The following AGBL1 variants were observed in gnomAD, a reference collection of about 807,000 sequenced individuals.
AGBL1 encodes the protein cytosolic carboxypeptidase 4.
A neutral mutation model predicts 118.9 loss-of-function variants in AGBL1; 130 were observed. That is an observed-to-expected ratio of 1.09 (90% CI 0.95 to 1.26). AGBL1 has a LOEUF of 1.26. AGBL1 is among the 50% of genes most tolerant of loss of function. AGBL1 has a pLI of 0.00. For synonymous variants in AGBL1, 555 were observed against 478.9 expected (o/e 1.16, Z -2.08); for missense variants, 1,584 against 1,298.1 (o/e 1.22, Z -3.38).
intron 24 of AGBL1, among the ~76,000 whole-genome samples, chr15:86,993,367 A>G (rs975244102): frequency 1.3e-5 from 2 of 152,228 alleles, no homozygotes; most frequent in Non-Finnish European, 2.9e-5. Flanking sequence ...ATAGGCAATA[A>G]TATAAGAATT....
intron 24 of AGBL1, among the ~76,000 whole-genome samples, chr15:87,004,525 G>GT (rs1596730825): frequency 6.6e-6 from 1 of 151,392 alleles, no homozygotes; most frequent in East Asian, 1.9e-4. Flanking sequence ...GCCTTTTTTT[G>GT]TTTTCCATTT....
intron 22 of AGBL1, among the ~76,000 whole-genome samples, chr15:86,801,315 ATCTATC>A (rs1165863004): frequency 8.9e-6 from 1 of 112,690 alleles, no homozygotes; most frequent in Non-Finnish European, 1.8e-5. Context: ...GATTACATCT[ATCTATC>A]TATCTATCTA....
chr15:86,156,824 C>T (rs1451552715), intron 4 of AGBL1, among the ~76,000 whole-genome samples: 11 of 124,792 alleles, frequency 8.8e-5, no homozygotes, highest in African/African-American at 3.4e-4. Flanking sequence ...CAGTCTCGTT[C>T]TGTCACCCAG....
intron 21 of AGBL1, among the ~76,000 whole-genome samples, chr15:86,648,777 A>G (rs946180654): frequency 6.6e-6 from 1 of 152,204 alleles, no homozygotes; most frequent in Non-Finnish European, 1.5e-5. Flanking sequence ...CCCAGTGAAG[A>G]GAATATTGTA....
intron 5 of AGBL1, among the ~76,000 whole-genome samples, chr15:86,214,259 A>T (rs957312779): frequency 6.6e-6 from 1 of 152,202 alleles, no homozygotes; most frequent in East Asian, 1.9e-4. Flanking sequence ...ATAGGATATC[A>T]CATCTTTTCT....
chr15:87,017,555 A>G (rs2081619793), intron 24 of AGBL1, among the ~76,000 whole-genome samples: 1 of 152,290 alleles, frequency 6.6e-6, no homozygotes, highest in African/African-American at 2.4e-5. Context: ...CTACAGAAGA[A>G]TAGCTTGACT....
chr15:86,626,904 C>G (rs1252678878), intron 21 of AGBL1, among the ~76,000 whole-genome samples: 1 of 144,580 alleles, frequency 6.9e-6, no homozygotes, highest in African/African-American at 2.6e-5. Context: ...GTGGCACAAT[C>G]TTGGCTCACT....
intron 22 of AGBL1, among the ~76,000 whole-genome samples, chr15:86,799,031 A>G (rs866990276): frequency 6.6e-5 from 10 of 151,970 alleles, no homozygotes; most frequent in East Asian, 3.9e-4. Context: ...CCTTCGTTCA[A>G]TACCAGGGCA....
intron 23 of AGBL1, among the ~76,000 whole-genome samples, chr15:86,979,384 A>T (rs985387454): frequency 6.6e-6 from 1 of 152,214 alleles, no homozygotes; most frequent in Non-Finnish European, 1.5e-5. Flanking sequence ...CAGTTATCTT[A>T]CTATATCTAA....
chr15:86,257,372 A>G (rs546712147), intron 8 of AGBL1, among the ~76,000 whole-genome samples: 1 of 152,342 alleles, frequency 6.6e-6, no homozygotes, highest in African/African-American at 2.4e-5. Flanking sequence ...TGCCCTAAGG[A>G]TGAAATTGAA....
At chr15:86,416,162 A>G (rs2142016869) in intron 18 of AGBL1, among the ~76,000 whole-genome samples, 1 of 152,284 alleles carries the variant, frequency 6.6e-6, no homozygotes, top group Non-Finnish European at 1.5e-5. Flanking sequence ...GTCCAGGCCA[A>G]GATGTAATTT....
At chr15:86,670,483 A>T (rs1296903287) in intron 21 of AGBL1, among the ~76,000 whole-genome samples, 2 of 151,594 alleles carry the variant, frequency 1.3e-5, no homozygotes, top group Non-Finnish European at 2.9e-5. Context: ...AGGTATCTGT[A>T]ATCACAGCTA....
chr15:86,989,254 G>A (rs1411364506), intron 24 of AGBL1, among the ~76,000 whole-genome samples: 1 of 151,946 alleles, frequency 6.6e-6, no homozygotes, highest in Non-Finnish European at 1.5e-5. Context: ...TCTTACCTTG[G>A]CTTCCCAAAG....
At position 86,672,935 on chromosome 15, in the gene AGBL1, G is replaced by C. The variant is rs77514688; in HGVS notation, c.2995-1338G>C. Among the ~76,000 whole-genome samples the C allele has an allele frequency of 7.3e-3, 1,116 of 152,222 alleles. 7 individuals carry two copies. The highest frequency in any genetic ancestry group is 0.014 in the Middle Eastern group (4 of 294). ...CTACCTTTTTAATGCTTTTAGCCAG[G>C]AATTCTTTTGTGAGGCTTATGATTT... On this transcript the variant is annotated intron_variant, in intron 21 of 22. Transcript: ENST00000614907.
chr15:86,124,137 C>A (rs62012437), intron 1 of AGBL1, among the ~76,000 whole-genome samples: 3 of 151,986 alleles, frequency 2.0e-5, no homozygotes, highest in South Asian at 2.1e-4. Flanking sequence ...CAAGACCAGC[C>A]TGGCCAACAT....
At chr15:87,025,364 C>T (rs937968713) in intron 24 of AGBL1, among the ~76,000 whole-genome samples, 6 of 151,756 alleles carry the variant, frequency 4.0e-5, no homozygotes, top group African/African-American at 1.5e-4. Flanking sequence ...AGATCAAGAA[C>T]TCAACCCCTT....
intron 18 of AGBL1, among the ~76,000 whole-genome samples, chr15:86,498,749 G>A (rs944178481): frequency 3.3e-5 from 5 of 151,760 alleles, no homozygotes; most frequent in African/African-American, 1.2e-4. Flanking sequence ...TTTAGGAAAA[G>A]GAAAGGAAAT....
At chr15:86,093,624 A>G (rs1053681900) in intron 1 of AGBL1, among the ~76,000 whole-genome samples, 1 of 152,204 alleles carries the variant, frequency 6.6e-6, no homozygotes, top group African/African-American at 2.4e-5. Context: ...CTAAAAAATA[A>G]AAGAACCAAA....
chr15:87,003,302 C>T lies in AGBL1; in HGVS notation c.3323+15214C>T, dbSNP rs1388790896. ...TGTTTCTTGATTTGCGTATGTTGAACCAGTCTTGCATCCCAGGGATGAAGC... is the reference window on the plus strand; with the variant it reads ...TGTTTCTTGATTTGCGTATGTTGAATCAGTCTTGCATCCCAGGGATGAAGC... On this transcript the variant is annotated intron_variant, in intron 24 of 24. Coordinates refer to the AGBL1 transcript ENST00000441037. 2.0e-4 allele frequency among the ~76,000 whole-genome samples: 30 copies of T among 151,928 alleles called. 1 individual carries two copies. The highest frequency in any genetic ancestry group is 1.8e-3 in the Admixed American group (28 of 15,242).
Sources: gnomAD v4.1 joint callset for allele counts (sites outside exome capture counted in the v4.1 genomes callset) on GRCh38, gnomAD v4.1.1 for gene constraint, MANE v1.5 for transcripts, NCBI Gene and HGNC (gene_info 2026-07-23, HGNC 2026-07-21) for gene names.